Variants in DSC3 observed in about 807,000 individuals in gnomAD.
DSC3 encodes desmocollin 3.
In DSC3, 97 loss-of-function variants were observed where a neutral mutation model predicts 89.5. That is an observed-to-expected ratio of 1.08 (90% CI 0.92 to 1.28). The LOEUF (loss-of-function observed/expected upper bound fraction) is 1.28, where lower values mean the gene tolerates loss of function less well. Among genes scored for constraint, DSC3 ranks in the 50% most tolerant of loss-of-function variants. The probability of loss-of-function intolerance (pLI) is 0.00; values close to 1 mark genes in which losing one functional copy is unlikely to be tolerated. For synonymous variants in DSC3, 436 were observed against 384.1 expected (o/e 1.14, Z -1.58); for missense variants, 1,199 against 1,085.3 (o/e 1.10, Z -1.47).
At chr18:31,030,321 G>A (rs1212342189) in intron 3 of DSC3, among the ~76,000 whole-genome samples, 2 of 152,156 alleles carry the variant, frequency 1.3e-5, no homozygotes, top group Non-Finnish European at 2.9e-5. Context: ...TATTTCATAA[G>A]AATTAATTAA....
Position 30,994,187 on chromosome 18 carries a change from G to C in DSC3, c.2679C>G (p.Cys893Trp). The C allele has an allele frequency of 6.2e-7, 1 of 1,613,758 alleles. No individual in the cohort carries two copies. The change falls in exon 16 of 16, where the codon TGC becomes TGG. Residue 893 changes from cysteine to tryptophan, a missense_variant. Cys to Trp is a radical substitution (Grantham distance 215). Coordinates refer to ENST00000360428, the MANE Select transcript of DSC3 (RefSeq NM_001941.5). ...EPKFITLAEA[C>W]TKR Reference sequence around the variant, plus strand: ...TAGCACTGTGACATTATCTCTTTGTGCATGCTTCTGCTAATGTAATAAATT... The same window carrying C: ...TAGCACTGTGACATTATCTCTTTGTCCATGCTTCTGCTAATGTAATAAATT...
rs926301589 is a variant in DSC3 at position 31,018,674 on chromosome 18, G to T, written c.1069C>A (p.Gln357Lys). ...DSNDNAPTFR[Q>K]NAYEAFVEEN... Reference sequence around the variant, plus strand: ...TGATATTATATACTTACAGCATTTTGTCTGAAAGTGGGTGCATTATCATTT... The same window carrying T: ...TGATATTATATACTTACAGCATTTTTTCTGAAAGTGGGTGCATTATCATTT... Residue 357 changes from glutamine (Q) to lysine (K), a missense_variant, in exon 8 of 16, where the codon CAA becomes AAA. By Grantham distance (53) the Gln-to-Lys change is moderately conservative (BLOSUM62 1). Coordinates refer to ENST00000360428, the MANE Select transcript of DSC3 (RefSeq NM_001941.5). The T allele has an allele frequency of 6.2e-7, 1 of 1,612,786 alleles. No individual in the cohort carries two copies. The highest frequency in any genetic ancestry group is 1.3e-5 in the African/African-American group (1 of 74,876).
At chr18:31,011,306 G>C (rs900151279) in intron 9 of DSC3, among the ~76,000 whole-genome samples, 2 of 152,296 alleles carry the variant, frequency 1.3e-5, no homozygotes, top group East Asian at 3.9e-4. Flanking sequence ...CGAATGAAGG[G>C]AATAAATGCT....
Position 31,022,386 on chromosome 18 carries a change from G to A in DSC3, c.892C>T (p.His298Tyr), listed in dbSNP as rs1436720907. The part of the protein sequence containing the change: ...TPRSPGLFSV[H>Y]PSTGVITTVS... ...GTGGTGATTACGCCTGTGCTGGGAT[G>A]CACAGAAAAGAGCCCAGGTGACCTT... The change falls in exon 7 of 16, where the codon CAT becomes TAT. Residue 298 changes from histidine to tyrosine, a missense_variant. By Grantham distance (83) the His-to-Tyr change is moderately conservative (BLOSUM62 2). Transcript: ENST00000360428. 3.1e-6 allele frequency: 5 copies of A among 1,614,040 alleles called. No individual in the cohort carries two copies. The highest frequency in any genetic ancestry group is 1.1e-5 in the South Asian group (1 of 91,080).
At chr18:31,042,443 C>T in intron 1 of DSC3, 149 bp downstream of exon 1, 2 of 792,620 alleles carry the variant, frequency 2.5e-6, no homozygotes, top group Non-Finnish European at 4.3e-6. Flanking sequence ...CTCCTGCAGG[C>T]CCGAACTTGG....
rs1986177209 is a variant in DSC3, at chr18:31,042,693, C to G, written c.-33G>C. On this transcript the variant is annotated 5_prime_UTR_variant, in exon 1 of 16. Transcript: ENST00000360428. Reference sequence around the variant, plus strand: ...CCGGGCAGGGCCAGGAGAACGCGGGCGCCGGGAGGGTGCCGAGAGCGAGAC... The same window carrying G: ...CCGGGCAGGGCCAGGAGAACGCGGGGGCCGGGAGGGTGCCGAGAGCGAGAC... 6.5e-7 allele frequency: 1 copy of G among 1,543,108 alleles called. No homozygotes were observed.
At chr18:31,031,988 T>C (rs1281486882) in intron 2 of DSC3, among the ~76,000 whole-genome samples, 1 of 152,144 alleles carries the variant, frequency 6.6e-6, no homozygotes. Flanking sequence ...CAAAAATAAA[T>C]AAATAAATAA....
At position 30,996,539 on chromosome 18, in the gene DSC3, T is replaced by G. The variant is rs149296705; in HGVS notation, c.2493+252A>C. Among the ~76,000 whole-genome samples the G allele has an allele frequency of 3.2e-3, 488 of 152,188 alleles. 6 individuals are homozygous for G. Among genetic ancestry groups the G allele is most frequent in the African/African-American group, 0.011 (452 of 41,530 alleles). On this transcript the variant is annotated intron_variant, in intron 15 of 15. Coordinates refer to ENST00000360428, the MANE Select transcript of DSC3 (RefSeq NM_001941.5). ...CATGAGGTAAATACACAACTAAAAA[T>G]GAGACGTTAGTGAAGAATATTAAAA...
rs1015736496 is a variant in DSC3 at position 31,008,070 on chromosome 18, C to G, written c.1609G>C (p.Val537Leu). Residue 537 changes from valine to leucine, a missense_variant, in exon 11 of 16, where the codon GTT becomes CTT. Transcript: ENST00000360428. ...IITSKILDRE[V>L]ETPKNELYNI... is the part of the protein sequence containing the mutation. Reference sequence around the variant, plus strand: ...TACAACTCATTTTTGGGAGTTTCAACCTCCCTATCCAGGATTTTGGAAGTT... The same window carrying G: ...TACAACTCATTTTTGGGAGTTTCAAGCTCCCTATCCAGGATTTTGGAAGTT... 6.8e-6 allele frequency: 11 copies of G among 1,613,160 alleles called. No individual in the cohort carries two copies. The East Asian group carries it at 2.5e-4, about 36-fold the overall frequency.
In DSC3 at chr18:30,992,299, T is replaced by G. The variant is rs920133788; in HGVS notation, c.*1876A>C. Reference sequence around the variant, plus strand: ...TAGGCATTTAATTCATAGACCTTCTTAGTGCCCAGAAGGAGGGCTGCAGAA... The same window carrying G: ...TAGGCATTTAATTCATAGACCTTCTGAGTGCCCAGAAGGAGGGCTGCAGAA... On this transcript the variant is annotated 3_prime_UTR_variant, in exon 16 of 16. Coordinates refer to ENST00000360428, the MANE Select transcript of DSC3 (RefSeq NM_001941.5). 6.6e-6 allele frequency: 1 copy of G among 152,164 alleles called. No homozygotes were observed. Among genetic ancestry groups the G allele is most frequent in the African/African-American group, 2.4e-5 (1 of 41,442 alleles). 9.4% of individuals were successfully genotyped at this position (152,164 alleles called of 1,614,324 possible).
intron 1 of DSC3, among the ~76,000 whole-genome samples, chr18:31,040,816 C>G (rs191489944): frequency 6.6e-6 from 1 of 151,926 alleles, no homozygotes; most frequent in Admixed American, 6.5e-5. Flanking sequence ...AGTTGAGAGT[C>G]GTATGAGTCA....
At chr18:31,032,064 A>G (rs1985806997) in intron 2 of DSC3, 128 bp downstream of exon 2, 1 of 696,770 alleles carries the variant, frequency 1.4e-6, no homozygotes, top group Non-Finnish European at 2.6e-6. Context: ...CTTCTGGTTT[A>G]CTCCCTGGAG....
At position 31,028,738 on chromosome 18, in the gene DSC3, T is replaced by C. The variant is rs79540758; in HGVS notation, c.474+771A>G. On this transcript the variant is annotated intron_variant, in intron 4 of 15. Transcript: ENST00000360428. The stretch of plus-strand genomic sequence containing the variant: ...GTAATGGTTTCAATTGTGCATGTTC[T>C]ATTACCTTAATGAGAAAACTAAACC... Among the ~76,000 whole-genome samples, 1,193 of 152,274 alleles carry C rather than the reference T, an allele frequency of 7.8e-3. 20 individuals carry two copies. The highest frequency in any genetic ancestry group is 0.028 in the African/African-American group (1,154 of 41,576).
In DSC3 at chr18:31,032,385, C is replaced by T. The variant is rs116639442; in HGVS notation, c.70-109G>A. On this transcript the variant is annotated intron_variant, in intron 1 of 15. Coordinates refer to ENST00000360428, the MANE Select transcript of DSC3 (RefSeq NM_001941.5). ...ACTGACAAAGTCCAACACCCATTTA[C>T]AATAAACCCCAGCAAACTAGGAATA... The T allele has an allele frequency of 3.9e-3, 3,221 of 820,956 alleles. 87 individuals carry two copies. In the African/African-American group the frequency reaches 0.048, roughly 12 times the overall value. 50.9% of individuals were successfully genotyped at this position (820,956 alleles called of 1,614,324 possible). A position where few individuals can be genotyped will look rare whatever the true frequency, so the allele number is the denominator to read the frequency against.
In DSC3 at chr18:30,991,372, TAC is replaced by T. The variant is rs1984235840; in HGVS notation, c.*2801_*2802del. ...CACTCAAATACCATAAATTTCACCT[TAC>T]ACATATAAGGAAATAATAATACTAC... is the stretch of plus-strand genomic sequence containing the variant. On this transcript the variant is annotated 3_prime_UTR_variant, in exon 16 of 16. Coordinates refer to ENST00000360428, the MANE Select transcript of DSC3 (RefSeq NM_001941.5). The T allele has an allele frequency of 6.6e-6, 1 of 152,656 alleles. No individual in the cohort carries two copies. The highest frequency in any genetic ancestry group is 2.4e-5 in the African/African-American group (1 of 41,474). 9.5% of individuals were successfully genotyped at this position (152,656 alleles called of 1,614,324 possible).
chr18:31,021,144 T>C (rs953222012), intron 7 of DSC3, among the ~76,000 whole-genome samples: 1 of 152,066 alleles, frequency 6.6e-6, no homozygotes, highest in Non-Finnish European at 1.5e-5. Context: ...CTGGTAGATT[T>C]TTTTCTTCAT....
chr18:31,016,497 A>G (rs1187238415), intron 9 of DSC3, among the ~76,000 whole-genome samples: 1 of 152,152 alleles, frequency 6.6e-6, no homozygotes, highest in Non-Finnish European at 1.5e-5. Context: ...TGTACTACCT[A>G]AGTGTTCAGC....
intron 7 of DSC3, among the ~76,000 whole-genome samples, chr18:31,020,414 C>T (rs1463059094): frequency 6.6e-6 from 1 of 152,108 alleles, no homozygotes; most frequent in African/African-American, 2.4e-5. Flanking sequence ...CAAGTGCCAG[C>T]AATAGACAAG....
rs1039704537 is a variant in DSC3 at position 31,024,570 on chromosome 18, GC to G, written c.631-78del. 3.4e-6 allele frequency: 5 copies of G among 1,482,730 alleles called. No homozygotes were observed. In the Admixed American group the frequency reaches 1.1e-4, roughly 32 times the overall value. 91.8% of individuals were successfully genotyped at this position (1,482,730 alleles called of 1,614,324 possible). A position where few individuals can be genotyped will look rare whatever the true frequency, so the allele number is the denominator to read the frequency against. ...GAATAAGATGCTTTATCTACTACCT[GC>G]CTTGCAAATCTTTTCAATAATAAAC... On this transcript the variant is annotated intron_variant, in intron 5 of 15. Transcript: ENST00000360428.
Sources: gnomAD v4.1 joint callset for allele counts (sites outside exome capture counted in the v4.1 genomes callset) on GRCh38, gnomAD v4.1.1 for gene constraint, MANE v1.5 for transcripts, NCBI Gene and HGNC (gene_info 2026-07-23, HGNC 2026-07-21) for gene names.